AKR1E2: variants seen among roughly 807,000 people sequenced by gnomAD.
The protein encoded by AKR1E2 is 1,5-anhydro-D-fructose reductase.
In AKR1E2, 43 loss-of-function variants were observed where a neutral mutation model predicts 41.9. The ratio of observed to expected loss-of-function variants is 1.03; its 90% CI spans 0.80 to 1.32. The LOEUF (loss-of-function observed/expected upper bound fraction) is 1.32. AKR1E2 is among the 40% of genes most tolerant of loss of function. The pLI, the probability that AKR1E2 is intolerant of heterozygous loss-of-function variation, is 0.00. For missense variants in AKR1E2, 423 were observed against 396.5 expected, an observed-to-expected ratio of 1.07 and a Z score of -0.57; for synonymous variants, 121 against 138.9, an observed-to-expected ratio of 0.87 and a Z score of 0.91.
chr10:4,828,617 T>G (rs1462906984), intron 1 of AKR1E2, among the ~76,000 whole-genome samples: 2 of 152,204 alleles, frequency 1.3e-5, no homozygotes, highest in Non-Finnish European at 2.9e-5. Flanking sequence ...GGGGTTTTGA[T>G]TGGAACTACA....
intron 4 of AKR1E2, among the ~76,000 whole-genome samples, 191 bp from the exon 5 acceptor site, chr10:4,837,268 C>G (rs1833502357): frequency 6.6e-6 from 1 of 152,226 alleles, no homozygotes; most frequent in Non-Finnish European, 1.5e-5. Flanking sequence ...ACTTGCCCAG[C>G]ATCCTCTAGC....
chr10:4,851,951 G>T (rs1422758653), downstream of AKR1E2, among the ~76,000 whole-genome samples: 1 of 152,132 alleles, frequency 6.6e-6, no homozygotes, highest in Non-Finnish European at 1.5e-5. Context: ...CACCCCACAG[G>T]ACTGGCATGT....
the AKR1E2 span, among the ~76,000 whole-genome samples, chr10:4,857,859 T>A: frequency 6.6e-6 from 1 of 152,096 alleles, no homozygotes. Flanking sequence ...TTCAGTTGAG[T>A]CTTATCATTT....
At chr10:4,835,924 G>C in intron 4 of AKR1E2, 115 bp downstream of exon 4, 1 of 1,423,394 alleles carries the variant, frequency 7.0e-7, no homozygotes. Flanking sequence ...CTGAGATGTG[G>C]GGTTTGTGGA....
At chr10:4,831,331 T>C (rs2961574) in intron 2 of AKR1E2, among the ~76,000 whole-genome samples, 135,881 of 152,174 alleles carry the variant, frequency 0.89, 61,567 homozygotes, top group East Asian at 0.98. Flanking sequence ...TGTATTAGTC[T>C]GTTCTCATGC....
the AKR1E2 span, among the ~76,000 whole-genome samples, chr10:4,853,322 T>C: frequency 1.3e-5 from 2 of 152,176 alleles, no homozygotes; most frequent in African/African-American, 2.4e-5. Flanking sequence ...AAATTAGTAG[T>C]TGGAAAAAGG....
chr10:4,854,024 G>A, the AKR1E2 span, among the ~76,000 whole-genome samples: 8 of 151,642 alleles, frequency 5.3e-5, no homozygotes, highest in African/African-American at 1.9e-4. Flanking sequence ...ATAAAACTGG[G>A]CAGCCAGCAG....
At chr10:4,846,113 C>T (rs1049157395) in intron 8 of AKR1E2, 19 of 311,088 alleles carry the variant, frequency 6.1e-5, no homozygotes, top group African/African-American at 3.1e-4. Flanking sequence ...CCCAAGAATC[C>T]GCCTACCCCG....
intron 2 of AKR1E2, among the ~76,000 whole-genome samples, chr10:4,831,377 A>C (rs1403791882): frequency 6.6e-6 from 1 of 152,178 alleles, no homozygotes; most frequent in African/African-American, 2.4e-5. Flanking sequence ...GGTAGTTTAT[A>C]AAGAAAAAGA....
At chr10:4,867,142 C>G in the AKR1E2 span, among the ~76,000 whole-genome samples, 1 of 152,208 alleles carries the variant, frequency 6.6e-6, no homozygotes, top group Non-Finnish European at 1.5e-5. Context: ...TTAGTTCAAC[C>G]TACCATCAGG....
chr10:4,847,299 G>C (rs760131279), intron 9 of AKR1E2, 69 bp downstream of exon 9: 23 of 1,600,358 alleles, frequency 1.4e-5, no homozygotes, highest in Non-Finnish European at 2.0e-5. Context: ...TGTCTGAATA[G>C]GTATTTATCA....
At chr10:4,841,976 C>A in intron 7 of AKR1E2, 119 bp downstream of exon 7, 1 of 797,372 alleles carries the variant, frequency 1.3e-6, no homozygotes, top group South Asian at 2.1e-5. Context: ...GAGTCCATGA[C>A]TCATTAGAAC....
In AKR1E2 at chr10:4,836,552, G is replaced by A. The variant is rs1459471378; in HGVS notation, c.459+743G>A. 5.9e-5 allele frequency among the ~76,000 whole-genome samples: 9 copies of A among 152,306 alleles called. No homozygotes were observed. In the South Asian group the frequency reaches 1.9e-3, roughly 32 times the overall value. ...GTAAGCTTAAGCTTAAGCTTGCTGAGGTTAGGACAGAGCTTGCTGGGTGAA... is the reference window on the plus strand; with the variant it reads ...GTAAGCTTAAGCTTAAGCTTGCTGAAGTTAGGACAGAGCTTGCTGGGTGAA... On this transcript the variant is annotated intron_variant, in intron 4 of 9. Coordinates refer to ENST00000298375, the MANE Select transcript of AKR1E2 (RefSeq NM_001040177.3).
intron 3 of AKR1E2, 114 bp from the exon 4 acceptor site, chr10:4,835,561 A>G: frequency 7.5e-7 from 1 of 1,334,636 alleles, no homozygotes; most frequent in African/African-American, 1.5e-5. Flanking sequence ...TCACATGGCC[A>G]GGCTGGGGTT....
At chr10:4,872,676 C>T in the AKR1E2 span, among the ~76,000 whole-genome samples, 1 of 151,938 alleles carries the variant, frequency 6.6e-6, no homozygotes, top group Non-Finnish European at 1.5e-5. Context: ...TATTGAGTAC[C>T]CAGGGAGAGA....
chr10:4,854,112 TAGAC>T, the AKR1E2 span, among the ~76,000 whole-genome samples: 1 of 149,420 alleles, frequency 6.7e-6, no homozygotes, highest in Non-Finnish European at 1.5e-5. Context: ...TTTTTTTTTT[TAGAC>T]AGAGTCATGC....
Position 4,837,600 on chromosome 10 carries a change from C to T in AKR1E2, c.582+19C>T. On this transcript the variant is annotated intron_variant, in intron 5 of 9. Transcript: ENST00000298375. ...CAACCAGGTAAGCCGATGGAAGCATCAGAGAGTTTAACCTGTGTGGCTGGT... is the reference window on the plus strand; with the variant it reads ...CAACCAGGTAAGCCGATGGAAGCATTAGAGAGTTTAACCTGTGTGGCTGGT... 6.2e-7 allele frequency: 1 copy of T among 1,610,184 alleles called. No individual in the cohort carries two copies. Among genetic ancestry groups the T allele is most frequent in the Non-Finnish European group, 8.5e-7 (1 of 1,177,268 alleles).
downstream of AKR1E2, among the ~76,000 whole-genome samples, chr10:4,851,092 T>A (rs1834517892): frequency 6.6e-6 from 1 of 152,218 alleles, no homozygotes; most frequent in African/African-American, 2.4e-5. Context: ...GAGGCACGCA[T>A]GTGGAGGCGA....
chr10:4,858,984 C>A, the AKR1E2 span, among the ~76,000 whole-genome samples: 1 of 151,896 alleles, frequency 6.6e-6, no homozygotes, highest in Non-Finnish European at 1.5e-5. Context: ...CCACCACGAC[C>A]AGCTAATTTT....
Sources: allele counts gnomAD v4.1 joint callset (sites outside exome capture counted in the v4.1 genomes callset), GRCh38; gene constraint gnomAD v4.1.1; transcripts MANE v1.5; gene names NCBI Gene and HGNC (gene_info 2026-07-23, HGNC 2026-07-21).